Variants in LIMCH1 observed in about 807,000 individuals in gnomAD.
LIMCH1 encodes LIM and calponin homology domains-containing protein 1.
A neutral mutation model predicts 176.5 loss-of-function variants in LIMCH1; 113 were observed. The ratio of observed to expected loss-of-function variants is 0.64; its 90% CI spans 0.55 to 0.75. The LOEUF (loss-of-function observed/expected upper bound fraction) is 0.75, where lower values mean the gene tolerates loss of function less well. Ranked by LOEUF, LIMCH1 falls within the 30% of genes least tolerant of loss-of-function variation. The probability of loss-of-function intolerance (pLI) is 0.00; values close to 1 mark genes in which losing one functional copy is unlikely to be tolerated. For missense variants in LIMCH1, 1,674 were observed against 1,814.9 expected (o/e 0.92, Z 1.41); for synonymous variants, 619 against 645.9 (o/e 0.96, Z 0.63).
Position 41,662,990 on chromosome 4 carries a change from G to T in LIMCH1, c.3291+6G>T, listed in dbSNP as rs2094681010. 2 of 1,612,712 alleles carry T rather than the reference G, an allele frequency of 1.2e-6. No individual in the cohort carries two copies. Among genetic ancestry groups the T allele is most frequent in the Non-Finnish European group, 1.7e-6 (2 of 1,179,088 alleles). On this transcript the variant is annotated splice_donor_region_variant and intron_variant, in intron 20 of 31. Coordinates refer to ENST00000503057, the MANE Select transcript of LIMCH1 (RefSeq NM_001330672.2). The stretch of plus-strand genomic sequence containing the variant: ...AGTTGGTGCTGTCACAAAAGGTGAA[G>T]TGCAGAGTGGAGGAAAGCGGTTAAA...
chr4:41,452,146 A>G (rs1403533565), intron 1 of LIMCH1, among the ~76,000 whole-genome samples: 1 of 152,184 alleles, frequency 6.6e-6, no homozygotes, highest in African/African-American at 2.4e-5. Context: ...AGGCAAAAGC[A>G]TGTTTTTGCT....
intron 3 of LIMCH1, among the ~76,000 whole-genome samples, chr4:41,531,942 A>C (rs1402235402): frequency 6.6e-6 from 1 of 152,196 alleles, no homozygotes; most frequent in Admixed American, 6.5e-5. Context: ...ACTGAGGGAA[A>C]TGAATAGACA....
chr4:41,489,855 C>T (rs2070423750), intron 1 of LIMCH1, among the ~76,000 whole-genome samples: 2 of 152,092 alleles, frequency 1.3e-5, no homozygotes, highest in Non-Finnish European at 2.9e-5. Context: ...AAAAACTTTA[C>T]TAGCAGTCTA....
intron 1 of LIMCH1, among the ~76,000 whole-genome samples, chr4:41,491,332 T>C (rs765276357): frequency 4.1e-4 from 51 of 123,682 alleles, no homozygotes; most frequent in South Asian, 2.3e-3. Flanking sequence ...GCAGAGGTGC[T>C]CCTCACCTCC....
intron 4 of LIMCH1, among the ~76,000 whole-genome samples, chr4:41,610,604 T>C (rs1448974889): frequency 1.3e-5 from 2 of 152,208 alleles, no homozygotes; most frequent in African/African-American, 4.8e-5. Context: ...CTGAATACTT[T>C]CCATATATGA....
chr4:41,564,212 A>G (rs903979723), intron 1 of LIMCH1, among the ~76,000 whole-genome samples: 28 of 152,326 alleles, frequency 1.8e-4, no homozygotes, highest in African/African-American at 6.0e-4. Flanking sequence ...GGAAAGGAGC[A>G]TGGGAGGTGA....
chr4:41,422,789 GCT>G (rs1398817135), intron 1 of LIMCH1, among the ~76,000 whole-genome samples: 1 of 151,714 alleles, frequency 6.6e-6, no homozygotes, highest in East Asian at 1.9e-4. Context: ...AAAGGGTCTT[GCT>G]CTGTCACCCA....
chr4:41,586,035 C>G (rs985139300), intron 1 of LIMCH1, among the ~76,000 whole-genome samples: 1 of 151,496 alleles, frequency 6.6e-6, no homozygotes, highest in African/African-American at 2.4e-5. Context: ...CATCTCCTCT[C>G]TTTTCCTTTC....
chr4:41,671,823 G>A (rs2095045108), intron 22 of LIMCH1, among the ~76,000 whole-genome samples: 1 of 147,056 alleles, frequency 6.8e-6, no homozygotes, highest in African/African-American at 2.5e-5. Context: ...TTAGGCAGGT[G>A]TGGTGGCACC....
chr4:41,519,071 T>C (rs980222766), intron 2 of LIMCH1, among the ~76,000 whole-genome samples: 2 of 152,300 alleles, frequency 1.3e-5, no homozygotes, highest in Admixed American at 6.5e-5. Context: ...TTTGAAAAAT[T>C]GTTTCTTAAT....
chr4:41,630,581 A>G (rs957081696), intron 9 of LIMCH1, among the ~76,000 whole-genome samples: 1 of 152,208 alleles, frequency 6.6e-6, no homozygotes, highest in Non-Finnish European at 1.5e-5. Context: ...ATAGAAGCTT[A>G]AAGACAAGGT....
At chr4:41,664,303 T>G in intron 20 of LIMCH1, among the ~76,000 whole-genome samples, 1 of 152,220 alleles carries the variant, frequency 6.6e-6, no homozygotes, top group East Asian at 1.9e-4. Context: ...GTATTGGCTG[T>G]GCACCTACTA....
chr4:41,668,701 G>GT (rs1010526533), intron 21 of LIMCH1, among the ~76,000 whole-genome samples: 8 of 152,182 alleles, frequency 5.3e-5, no homozygotes, highest in African/African-American at 1.9e-4. Flanking sequence ...ACTTGTATTA[G>GT]TTTGTTTTCA....
At chr4:41,672,710 C>A (rs2095090733) in intron 22 of LIMCH1, among the ~76,000 whole-genome samples, 1 of 152,184 alleles carries the variant, frequency 6.6e-6, no homozygotes, top group South Asian at 2.1e-4. Flanking sequence ...TATTTCTAAT[C>A]TCAGGCCTTG....
intron 1 of LIMCH1, among the ~76,000 whole-genome samples, chr4:41,372,861 G>T (rs1460270494): frequency 6.6e-6 from 1 of 152,162 alleles, no homozygotes; most frequent in Non-Finnish European, 1.5e-5. Flanking sequence ...AGACTTGAGG[G>T]TTGGCAATTT....
At chr4:41,525,169 G>A (rs1048429336) in intron 3 of LIMCH1, among the ~76,000 whole-genome samples, 1 of 152,128 alleles carries the variant, frequency 6.6e-6, no homozygotes. Flanking sequence ...AAAAAGGAAA[G>A]AAGTAGAAGA....
chr4:41,663,081 T>C, intron 20 of LIMCH1, 97 bp downstream of exon 20: 33 of 1,060,660 alleles, frequency 3.1e-5, no homozygotes, highest in Non-Finnish European at 4.4e-5. Context: ...ATAATGAAGA[T>C]TTATTTCTCT....
intron 18 of LIMCH1, among the ~76,000 whole-genome samples, chr4:41,657,418 A>G (rs1163503479): frequency 6.6e-6 from 1 of 152,208 alleles, no homozygotes; most frequent in Non-Finnish European, 1.5e-5. Flanking sequence ...AGGATGGAGT[A>G]TCCAGACATA....
chr4:41,441,788 A>G (rs534045257), intron 1 of LIMCH1, among the ~76,000 whole-genome samples: 1 of 152,340 alleles, frequency 6.6e-6, no homozygotes, highest in East Asian at 1.9e-4. Context: ...AATATGAAAT[A>G]TCTACTTTGC....
Sources: gnomAD v4.1 joint callset for allele counts (sites outside exome capture counted in the v4.1 genomes callset) on GRCh38, gnomAD v4.1.1 for gene constraint, MANE v1.5 for transcripts, NCBI Gene and HGNC (gene_info 2026-07-23, HGNC 2026-07-21) for gene names.